The following TTC33 variants were observed in gnomAD, a reference collection of about 807,000 sequenced individuals.
TTC33 encodes the protein tetratricopeptide repeat protein 33.
In TTC33, 24 loss-of-function variants were observed where a neutral mutation model predicts 29.4. The observed-to-expected ratio is 0.82, with a 90% CI of 0.59 to 1.15. TTC33 has a LOEUF of 1.15. Ranked by LOEUF, TTC33 falls within the 50% of genes most tolerant of loss-of-function variation. TTC33 has a pLI of 0.00. For synonymous variants in TTC33, 107 were observed against 100.3 expected (o/e 1.07, Z -0.40); for missense variants, 286 against 310.4 (o/e 0.92, Z 0.59).
At chr5:40,747,739 C>G (rs1016308043) in intron 1 of TTC33, among the ~76,000 whole-genome samples, 2 of 152,130 alleles carry the variant, frequency 1.3e-5, no homozygotes, top group African/African-American at 4.8e-5. Context: ...AAGGTAACCC[C>G]TAAATTAAGA....
intron 4 of TTC33, among the ~76,000 whole-genome samples, chr5:40,723,157 CAT>C (rs1469743151): frequency 1.3e-5 from 2 of 152,122 alleles, no homozygotes; most frequent in African/African-American, 2.4e-5. Context: ...CTCTCTGAAA[CAT>C]GTGCTGTGTC....
At chr5:40,738,567 T>TAAA (rs1286758071) in intron 2 of TTC33, among the ~76,000 whole-genome samples, 14,428 of 67,696 alleles carry the variant, frequency 0.21, 2,368 homozygotes, top group East Asian at 0.27. Context: ...TAAAATAAAA[T>TAAA]ATAAAATAAA....
chr5:40,730,658 A>G (rs1742405531), intron 2 of TTC33, among the ~76,000 whole-genome samples: 1 of 152,160 alleles, frequency 6.6e-6, no homozygotes, highest in African/African-American at 2.4e-5. Flanking sequence ...CAGGAGGAGC[A>G]GTCATGTACT....
chr5:40,727,081 T>G lies in TTC33; in HGVS notation c.435+1264A>C, dbSNP rs974003887. On this transcript the variant is annotated intron_variant, in intron 4 of 4. Coordinates refer to ENST00000337702, the MANE Select transcript of TTC33 (RefSeq NM_012382.3). ...TTATTTTCTCATACAAATTCCTTAC[T>G]ATTTCTGAGAATTTGACAAACACCT... Among the ~76,000 whole-genome samples, 51 of 152,318 alleles carry G rather than the reference T, an allele frequency of 3.3e-4. 1 individual carries two copies. Among genetic ancestry groups the G allele is most frequent in the Middle Eastern group, 3.4e-3 (1 of 294 alleles).
chr5:40,726,506 C>T (rs1436590398), intron 4 of TTC33, among the ~76,000 whole-genome samples: 1 of 147,972 alleles, frequency 6.8e-6, no homozygotes, highest in African/African-American at 2.5e-5. Context: ...CAGCTTAAAT[C>T]TACATAAAAA....
intron 2 of TTC33, among the ~76,000 whole-genome samples, chr5:40,735,907 AC>A (rs1188787810): frequency 6.6e-6 from 1 of 152,206 alleles, no homozygotes; most frequent in Admixed American, 6.5e-5. Flanking sequence ...CAGAAATATG[AC>A]TGGATGGTTC....
intron 4 of TTC33, among the ~76,000 whole-genome samples, chr5:40,726,550 C>CA (rs35619166): frequency 0.26 from 34,578 of 132,736 alleles, 4,429 homozygotes; most frequent in Admixed American, 0.41. Context: ...ATTTAAATGG[C>CA]AAAAAAAAAA....
intron 4 of TTC33, among the ~76,000 whole-genome samples, chr5:40,723,347 T>G (rs1384473289): frequency 6.6e-6 from 1 of 152,066 alleles, no homozygotes; most frequent in Non-Finnish European, 1.5e-5. Context: ...TTTGTTCACA[T>G]GTTTATCTGC....
chr5:40,729,268 A>C (rs1319774101), intron 3 of TTC33, among the ~76,000 whole-genome samples: 1 of 152,224 alleles, frequency 6.6e-6, no homozygotes, highest in East Asian at 1.9e-4. Context: ...GGATAAACTA[A>C]AGTCAAAGGT....
At chr5:40,716,555 C>A (rs1196863814) in intron 4 of TTC33, 57 bp from the exon 5 acceptor site, 1 of 1,156,422 alleles carries the variant, frequency 8.6e-7, no homozygotes, top group African/African-American at 1.5e-5. Flanking sequence ...ATGTTTAATA[C>A]AATCCTGTGT....
chr5:40,742,349 TTGAG>T (rs1230095049), intron 2 of TTC33, among the ~76,000 whole-genome samples: 1 of 152,160 alleles, frequency 6.6e-6, no homozygotes, highest in Non-Finnish European at 1.5e-5. Flanking sequence ...CTAATATTTA[TTGAG>T]TATTTACTAC....
At position 40,738,544 on chromosome 5, in the gene TTC33, A is replaced by AAATAC. The variant is rs1168497679; in HGVS notation, c.222-8202_222-8201insGTATT. On this transcript the variant is annotated intron_variant, in intron 2 of 4. Transcript: ENST00000337702. ...AAATAAAATACAATAAAATACAATA[A>AAATAC]AATAAAATAAAATAAAATAAAATAT... Among the ~76,000 whole-genome samples the AAATAC allele has an allele frequency of 8.9e-3, 1,080 of 121,702 alleles. 72 individuals carry two copies. The highest frequency in any genetic ancestry group is 0.016 in the African/African-American group (537 of 33,350). 79.8% of individuals were successfully genotyped at this position (121,702 alleles called of 152,430 possible).
chr5:40,750,398 A>G (rs1454234536), intron 1 of TTC33, among the ~76,000 whole-genome samples: 2 of 152,112 alleles, frequency 1.3e-5, no homozygotes, highest in Non-Finnish European at 1.5e-5. Flanking sequence ...TCTACAAAAA[A>G]TTTTTAAAAA....
chr5:40,738,674 A>G (rs1742627106), intron 2 of TTC33, among the ~76,000 whole-genome samples: 1 of 152,012 alleles, frequency 6.6e-6, no homozygotes, highest in South Asian at 2.1e-4. Flanking sequence ...AGCAATGTAT[A>G]AAAGTTTAAC....
At chr5:40,730,499 C>A (rs1327083921) in intron 2 of TTC33, among the ~76,000 whole-genome samples, 156 bp from the exon 3 acceptor site, 2 of 152,110 alleles carry the variant, frequency 1.3e-5, no homozygotes, top group East Asian at 3.8e-4. Flanking sequence ...ACATATAGTT[C>A]ATTCACCTTT....
At chr5:40,753,736 T>A (rs1422365696) in intron 1 of TTC33, among the ~76,000 whole-genome samples, 3 of 152,198 alleles carry the variant, frequency 2.0e-5, no homozygotes, top group African/African-American at 7.2e-5. Flanking sequence ...GTATTTATGA[T>A]TATCCCTAAT....
intron 2 of TTC33, among the ~76,000 whole-genome samples, chr5:40,744,480 C>T (rs865953538): frequency 1.3e-4 from 16 of 121,034 alleles, no homozygotes; most frequent in South Asian, 2.8e-4. Context: ...TATCACCACT[C>T]TTACCAGTTT....
chr5:40,740,420 A>ATTC (rs1742667941), intron 2 of TTC33, among the ~76,000 whole-genome samples: 1 of 152,086 alleles, frequency 6.6e-6, no homozygotes, highest in Non-Finnish European at 1.5e-5. Context: ...AATACAAAGA[A>ATTC]TTCTAAGTTG....
In TTC33 at chr5:40,715,317, A is replaced by T. The variant is rs1305491638; in HGVS notation, c.*828T>A. On this transcript the variant is annotated 3_prime_UTR_variant, in exon 5 of 5. Transcript: ENST00000337702. ...AAGCTTTGTAAAATAAAGAAAAGAA[A>T]GTATTGGTTTTGACTGGGATAATAT... The T allele has an allele frequency of 6.6e-6, 1 of 152,256 alleles. No individual in the cohort carries two copies. Among genetic ancestry groups the T allele is most frequent in the Non-Finnish European group, 1.5e-5 (1 of 67,984 alleles). 9.4% of individuals were successfully genotyped at this position (152,256 alleles called of 1,614,324 possible).
Sources: allele counts gnomAD v4.1 joint callset (sites outside exome capture counted in the v4.1 genomes callset), GRCh38; gene constraint gnomAD v4.1.1; transcripts MANE v1.5; gene names NCBI Gene and HGNC (gene_info 2026-07-23, HGNC 2026-07-21).